CFAP91: variants seen among roughly 807,000 people sequenced by gnomAD.
CFAP91 encodes cilia- and flagella-associated protein 91.
A neutral mutation model predicts 95.9 loss-of-function variants in CFAP91; 85 were observed. The ratio of observed to expected loss-of-function variants is 0.89; its 90% CI spans 0.74 to 1.06. The LOEUF is 1.06. Among genes scored for constraint, CFAP91 ranks in the 50% least tolerant of loss-of-function variants. CFAP91 has a pLI of 0.00. For synonymous variants in CFAP91, 335 were observed against 327.5 expected (o/e 1.02, Z -0.25); for missense variants, 962 against 943.4 (o/e 1.02, Z -0.26).
chr3:119,739,598 TCTTC>T (rs3832179), intron 12 of CFAP91, among the ~76,000 whole-genome samples: 33,778 of 151,918 alleles, frequency 0.22, 3,885 homozygotes, highest in Admixed American at 0.25. Flanking sequence ...GAAACTCACT[TCTTC>T]CTTGGAATTG....
intron 7 of CFAP91, among the ~76,000 whole-genome samples, chr3:119,728,353 G>T (rs565817041): frequency 3.3e-5 from 5 of 152,286 alleles, no homozygotes; most frequent in South Asian, 2.1e-4. Flanking sequence ...TGAATCAGGG[G>T]TTGAGGCCCA....
chr3:119,726,220 C>T lies in CFAP91; in HGVS notation c.732C>T (p.Ala244=). The change falls in exon 7 of 18, where the codon GCC becomes GCT. Residue 244 remains alanine, a synonymous_variant. Coordinates refer to ENST00000273390, the MANE Select transcript of CFAP91 (RefSeq NM_033364.4). The part of the protein sequence containing the change: ...GQAEVEMIER[A]REKRAWEASL... ...CTGAGGTGGAGATGATAGAAAGAGC[C>T]CGCGAGAAGCGTGCTTGGGAAGCCT... 1 of 1,613,462 alleles carries T rather than the reference C, an allele frequency of 6.2e-7. No homozygotes were observed. Among genetic ancestry groups the T allele is most frequent in the Non-Finnish European group, 8.5e-7 (1 of 1,179,738 alleles).
intron 1 of CFAP91, among the ~76,000 whole-genome samples, chr3:119,704,918 G>A (rs939878018): frequency 6.6e-5 from 10 of 152,216 alleles, no homozygotes; most frequent in African/African-American, 2.4e-4. Context: ...CATGCTGTAT[G>A]GGTTTGTAGC....
chr3:119,754,754 C>T (rs116362902), intron 17 of CFAP91, among the ~76,000 whole-genome samples: 1 of 152,344 alleles, frequency 6.6e-6, no homozygotes, highest in African/African-American at 2.4e-5. Context: ...TGGACCCCAG[C>T]TCAGCAGAGC....
chr3:119,732,916 GTTAT>G (rs1408853710), intron 9 of CFAP91, among the ~76,000 whole-genome samples: 1 of 152,182 alleles, frequency 6.6e-6, no homozygotes, highest in Non-Finnish European at 1.5e-5. Flanking sequence ...GGCTTATTTA[GTTAT>G]TTAATTTCAC....
intron 6 of CFAP91, among the ~76,000 whole-genome samples, chr3:119,719,754 A>C (rs2053646365): frequency 6.6e-6 from 1 of 152,232 alleles, no homozygotes; most frequent in East Asian, 1.9e-4. Context: ...GTAACTACAG[A>C]ATAAACAACT....
At chr3:119,713,792 CCTA>C in intron 5 of CFAP91, among the ~76,000 whole-genome samples, 1 of 151,998 alleles carries the variant, frequency 6.6e-6, no homozygotes, top group East Asian at 1.9e-4. Context: ...AAAATGGAAT[CCTA>C]CTATACATAC....
chr3:119,758,672 T>A (rs1039572747), intron 17 of CFAP91, among the ~76,000 whole-genome samples: 2 of 152,104 alleles, frequency 1.3e-5, no homozygotes, highest in African/African-American at 2.4e-5. Context: ...GCAATAAATA[T>A]GGATATTTAT....
At position 119,703,107 on chromosome 3, in the gene CFAP91, C is replaced by G; in HGVS notation, c.9C>G (p.His3Gln). The change falls in exon 1 of 18, where the codon CAC becomes CAG. Residue 3 changes from histidine (H) to glutamine (Q), a missense_variant. By Grantham distance (24) the His-to-Gln change is conservative. Coordinates refer to ENST00000273390, the MANE Select transcript of CFAP91 (RefSeq NM_033364.4). ...AGGAAAGAGGCGGCACCATGAGCCA[C>G]GCAGTAACCATCGAGGAGCCCCAGG... MSHAVTIEEPQAQ... is the reference protein window; with the variant it reads MSQAVTIEEPQAQ... The G allele has an allele frequency of 6.4e-7, 1 of 1,557,072 alleles. No homozygotes were observed. The highest frequency in any genetic ancestry group is 8.7e-7 in the Non-Finnish European group (1 of 1,150,164).
intron 7 of CFAP91, 127 bp from the exon 8 acceptor site, chr3:119,730,093 G>A: frequency 1.1e-6 from 1 of 929,590 alleles, no homozygotes; most frequent in Non-Finnish European, 1.6e-6. Context: ...ACTTTTGCCA[G>A]AGTGGTCTTT....
chr3:119,705,212 G>A (rs2053335731), intron 1 of CFAP91, among the ~76,000 whole-genome samples: 1 of 152,202 alleles, frequency 6.6e-6, no homozygotes, highest in Non-Finnish European at 1.5e-5. Flanking sequence ...GCGTCTTTGT[G>A]TATTGTAGCT....
intron 15 of CFAP91, 27 bp downstream of exon 15, chr3:119,747,290 A>T: frequency 6.2e-7 from 1 of 1,600,958 alleles, no homozygotes; most frequent in Non-Finnish European, 8.5e-7. Context: ...CAGATTGTAG[A>T]ATGGACAGCC....
chr3:119,712,983 A>G (rs187020068), intron 5 of CFAP91, among the ~76,000 whole-genome samples: 1 of 151,014 alleles, frequency 6.6e-6, no homozygotes, highest in African/African-American at 2.4e-5. Context: ...AAAAAAAAAA[A>G]CAACTATTTA....
intron 17 of CFAP91, among the ~76,000 whole-genome samples, chr3:119,756,358 T>G (rs2054427799): frequency 6.6e-6 from 1 of 152,178 alleles, no homozygotes; most frequent in Non-Finnish European, 1.5e-5. Context: ...TGCAAACATA[T>G]TCTTCAAGAA....
At chr3:119,751,449 A>G (rs2054324136) in intron 17 of CFAP91, among the ~76,000 whole-genome samples, 1 of 152,214 alleles carries the variant, frequency 6.6e-6, no homozygotes, top group Non-Finnish European at 1.5e-5. Flanking sequence ...GGTATGCCCT[A>G]ATGCATTGTG....
rs1178196786 is a variant in CFAP91 at position 119,765,439 on chromosome 3, T to G, written c.*389T>G. ...TCTACTAAGGCTGAAAATGTGCATA[T>G]TCCATGACTCAGGATTTTATCTCCT... On this transcript the variant is annotated 3_prime_UTR_variant, in exon 18 of 18. Coordinates refer to ENST00000273390, the MANE Select transcript of CFAP91 (RefSeq NM_033364.4). 1 of 152,198 alleles carries G rather than the reference T, an allele frequency of 6.6e-6. No homozygotes were observed. 9.4% of individuals were successfully genotyped at this position (152,198 alleles called of 1,614,324 possible).
chr3:119,726,520 G>T (rs2053788005), intron 7 of CFAP91, among the ~76,000 whole-genome samples, 172 bp downstream of exon 7: 2 of 152,256 alleles, frequency 1.3e-5, no homozygotes, highest in Admixed American at 1.3e-4. Context: ...CTTCTGATGT[G>T]GTCCAGAAGC....
At chr3:119,741,094 C>G (rs895946751) in intron 13 of CFAP91, among the ~76,000 whole-genome samples, 1 of 152,138 alleles carries the variant, frequency 6.6e-6, no homozygotes, top group African/African-American at 2.4e-5. Flanking sequence ...TCAGGTGATC[C>G]GCCTGCCTCA....
chr3:119,720,110 C>A (rs972295024), intron 6 of CFAP91, among the ~76,000 whole-genome samples: 1 of 140,654 alleles, frequency 7.1e-6, no homozygotes. Flanking sequence ...ACTTAGGGGC[C>A]GGACGCGGTG....
Sources: allele counts gnomAD v4.1 joint callset (sites outside exome capture counted in the v4.1 genomes callset), GRCh38; gene constraint gnomAD v4.1.1; transcripts MANE v1.5; gene names NCBI Gene and HGNC (gene_info 2026-07-23, HGNC 2026-07-21).